Variants in MELK observed in about 807,000 individuals in gnomAD.
MELK encodes pEg3 kinase.
A neutral mutation model predicts 85.0 loss-of-function variants in MELK; 81 were observed. The observed-to-expected ratio is 0.95, with a 90% confidence interval of 0.80 to 1.15. The LOEUF (loss-of-function observed/expected upper bound fraction) is 1.15. MELK is among the 50% of genes most tolerant of loss of function. The probability of loss-of-function intolerance (pLI) is 0.00; values close to 1 mark genes in which losing one functional copy is unlikely to be tolerated. For missense variants in MELK, 754 were observed against 777.5 expected, an observed-to-expected ratio of 0.97 and a Z score of 0.36; for synonymous variants, 252 against 265.0, an observed-to-expected ratio of 0.95 and a Z score of 0.48.
At position 36,636,810 on chromosome 9, in the gene MELK, T is replaced by G. The variant is rs1295009443; in HGVS notation, c.834+3610T>G. On this transcript the variant is annotated intron_variant, in intron 10 of 17. Transcript: ENST00000298048. Reference sequence around the variant, plus strand: ...TGTCTGTCTTTCTTTCTTTCTGTCTTTCTTTCTTTCTGTCTTTCTTGTCTT... The same window carrying G: ...TGTCTGTCTTTCTTTCTTTCTGTCTGTCTTTCTTTCTGTCTTTCTTGTCTT... Among the ~76,000 whole-genome samples, 697 of 105,462 alleles carry G rather than the reference T, an allele frequency of 6.6e-3. 5 individuals carry two copies. Among genetic ancestry groups the G allele is most frequent in the African/African-American group, 0.022 (524 of 23,916 alleles). The allele number at this position is 105,462 out of a possible 152,430, so 69.2% of individuals were successfully genotyped here. A position where few individuals can be genotyped will look rare whatever the true frequency, so the allele number is the denominator to read the frequency against.
chr9:36,626,306 CAA>C (rs1251713040), intron 8 of MELK, among the ~76,000 whole-genome samples: 2 of 152,072 alleles, frequency 1.3e-5, no homozygotes, highest in Admixed American at 6.6e-5. Flanking sequence ...AAAGCACAAA[CAA>C]TTTCTTTGGA....
rs759310261 is a variant in MELK at position 36,677,250 on chromosome 9, G to A, written c.1869G>A (p.Val623=). The A allele has an allele frequency of 6.2e-7, 1 of 1,614,136 alleles. No individual in the cohort carries two copies. The highest frequency in any genetic ancestry group is 8.5e-7 in the Non-Finnish European group (1 of 1,179,998). Residue 623 remains valine (V), a synonymous_variant, in exon 18 of 18, where the codon GTG becomes GTA. Coordinates refer to ENST00000298048, the MANE Select transcript of MELK (RefSeq NM_014791.4). ...TGTGCCAGCTTCAAAAACCCGATGT[G>A]GTGGGTATCAGGAGGCAGCGGCTTA... The part of the protein sequence containing the change: ...LEVCQLQKPD[V]VGIRRQRLKG...
chr9:36,626,899 C>T (rs1181628264), intron 8 of MELK, among the ~76,000 whole-genome samples: 1 of 148,852 alleles, frequency 6.7e-6, no homozygotes, highest in Non-Finnish European at 1.5e-5. Flanking sequence ...GCAGAGGCTG[C>T]AGTGAGCCAA....
chr9:36,596,973 C>T (rs915964966), intron 5 of MELK, among the ~76,000 whole-genome samples: 1 of 152,068 alleles, frequency 6.6e-6, no homozygotes, highest in Non-Finnish European at 1.5e-5. Flanking sequence ...CAGAAACAAC[C>T]TTAAATCATT....
chr9:36,626,712 C>T (rs1485010243), intron 8 of MELK, among the ~76,000 whole-genome samples: 1 of 152,092 alleles, frequency 6.6e-6, no homozygotes, highest in African/African-American at 2.4e-5. Context: ...AATCCCAGCA[C>T]TTTGGGAGGC....
At chr9:36,614,443 TAATTTA>T (rs1468150482) in intron 8 of MELK, among the ~76,000 whole-genome samples, 5 of 129,888 alleles carry the variant, frequency 3.8e-5, no homozygotes, top group African/African-American at 1.2e-4. Flanking sequence ...TTTTTTTTTT[TAATTTA>T]TTTTTTTATT....
At chr9:36,652,291 C>G (rs999775425) in intron 12 of MELK, among the ~76,000 whole-genome samples, 5 of 151,028 alleles carry the variant, frequency 3.3e-5, no homozygotes, top group East Asian at 2.0e-4. Flanking sequence ...AAGTGATCAG[C>G]CTGCCTCGGC....
chr9:36,666,311 G>A (rs920969209), intron 14 of MELK, among the ~76,000 whole-genome samples: 3 of 152,182 alleles, frequency 2.0e-5, no homozygotes, highest in African/African-American at 4.8e-5. Context: ...GGTCTCACTA[G>A]GGTAGAGTGG....
At chr9:36,669,242 TTAA>T (rs1456890790) in intron 14 of MELK, 65 bp from the exon 15 acceptor site, 8 of 1,004,572 alleles carry the variant, frequency 8.0e-6, no homozygotes, top group Non-Finnish European at 8.8e-6. Context: ...TGCATTATTA[TTAA>T]TAATAGAAAT....
chr9:36,645,186 A>G (rs1272569972), intron 11 of MELK, among the ~76,000 whole-genome samples: 2 of 147,376 alleles, frequency 1.4e-5, no homozygotes, highest in African/African-American at 5.1e-5. Flanking sequence ...TGAACCTGGG[A>G]GGCAGAGGTT....
intron 12 of MELK, among the ~76,000 whole-genome samples, chr9:36,653,869 A>C (rs1023313827): frequency 6.6e-6 from 1 of 151,750 alleles, no homozygotes; most frequent in Non-Finnish European, 1.5e-5. Context: ...TTTAATATCT[A>C]TCTCATTTAG....
Position 36,615,317 on chromosome 9 carries a change from C to T in MELK, c.666+7644C>T, listed in dbSNP as rs539705426. On this transcript the variant is annotated intron_variant, in intron 8 of 17. Coordinates refer to ENST00000298048, the MANE Select transcript of MELK (RefSeq NM_014791.4). ...GGGGCTGATCCCCCCACCTCCCTCC[C>T]GGATGGGGCGGCTGGCCGGGCGGGG... Among the ~76,000 whole-genome samples the T allele has an allele frequency of 5.5e-4, 72 of 131,394 alleles. 1 individual carries two copies. Among genetic ancestry groups the T allele is most frequent in the Non-Finnish European group, 8.7e-4 (55 of 63,082 alleles). 86.2% of individuals were successfully genotyped at this position (131,394 alleles called of 152,430 possible). A position where few individuals can be genotyped will look rare whatever the true frequency, so the allele number is the denominator to read the frequency against.
At chr9:36,645,368 G>T (rs994923924) in intron 11 of MELK, among the ~76,000 whole-genome samples, 3 of 151,644 alleles carry the variant, frequency 2.0e-5, no homozygotes, top group Non-Finnish European at 4.4e-5. Flanking sequence ...ACTTAAAAGT[G>T]AAATGGAAAT....
intron 7 of MELK, among the ~76,000 whole-genome samples, chr9:36,604,759 T>C (rs1587400177): frequency 6.6e-6 from 1 of 151,786 alleles, no homozygotes; most frequent in Non-Finnish European, 1.5e-5. Flanking sequence ...TTCTCCTGCC[T>C]CAGCCTCCCG....
chr9:36,578,761 A>T (rs757778695), intron 1 of MELK, among the ~76,000 whole-genome samples: 2 of 152,154 alleles, frequency 1.3e-5, no homozygotes, highest in African/African-American at 4.8e-5. Context: ...CATCCTTTGA[A>T]TTAGAGCTTG....
chr9:36,665,667 A>G lies in MELK; in HGVS notation c.1408+86A>G, dbSNP rs1305532876. On this transcript the variant is annotated intron_variant, in intron 14 of 17. Coordinates refer to ENST00000298048, the MANE Select transcript of MELK (RefSeq NM_014791.4). ...ATATAGCAGGTCAGAAATGACTAGC[A>G]TTGCTTTCAGGAATTTCTAGGAGAA... The G allele has an allele frequency of 6.1e-6, 6 of 981,186 alleles. No individual in the cohort carries two copies. In the Admixed American group the frequency reaches 8.9e-5, roughly 15 times the overall value. 60.8% of individuals were successfully genotyped at this position (981,186 alleles called of 1,614,324 possible). A position where few individuals can be genotyped will look rare whatever the true frequency, so the allele number is the denominator to read the frequency against.
In MELK at chr9:36,621,275, G is replaced by GAAAAAA. The variant is rs74181196; in HGVS notation, c.667-8987_667-8982dup. 3.8e-3 allele frequency among the ~76,000 whole-genome samples: 123 copies of GAAAAAA among 32,438 alleles called. 27 individuals carry two copies. Among genetic ancestry groups the GAAAAAA allele is most frequent in the Non-Finnish European group, 7.2e-3 (81 of 11,222 alleles). 21.3% of individuals were successfully genotyped at this position (32,438 alleles called of 152,430 possible). On this transcript the variant is annotated intron_variant, in intron 8 of 17. Transcript: ENST00000298048. Reference sequence around the variant, plus strand: ...TGACAGAGTGAGACTCTGTCTCAGGGAAAAAAAAAAAAAAAAAAAAAAAAA... The same window carrying GAAAAAA: ...TGACAGAGTGAGACTCTGTCTCAGGGAAAAAAAAAAAAAAAAAAAAAAAAAAAAAAA...
At chr9:36,575,874 G>T (rs546275531) in intron 1 of MELK, among the ~76,000 whole-genome samples, 8 of 152,308 alleles carry the variant, frequency 5.3e-5, no homozygotes, top group African/African-American at 1.9e-4. Context: ...TTATAGTCCA[G>T]TGTTCCTCCA....
chr9:36,629,749 G>T (rs1004154426), intron 8 of MELK, among the ~76,000 whole-genome samples: 2 of 150,852 alleles, frequency 1.3e-5, no homozygotes, highest in African/African-American at 2.4e-5. Flanking sequence ...CTACTGTTAT[G>T]TTCTTTGTGC....
Sources: gnomAD v4.1 joint callset for allele counts (sites outside exome capture counted in the v4.1 genomes callset) on GRCh38, gnomAD v4.1.1 for gene constraint, MANE v1.5 for transcripts, NCBI Gene and HGNC (gene_info 2026-07-23, HGNC 2026-07-21) for gene names.